The following FRMD4A variants were observed in gnomAD, a reference collection of about 807,000 sequenced individuals.
FRMD4A encodes the protein FERM domain containing 4A, also known as FERM domain-containing protein 4A.
In FRMD4A, 29 loss-of-function variants were observed where a neutral mutation model predicts 129.1. The ratio of observed to expected loss-of-function variants is 0.22; its 90% CI spans 0.17 to 0.31. FRMD4A has a LOEUF of 0.31. FRMD4A is among the 10% of genes least tolerant of loss of function. The pLI is 1.00. For missense variants in FRMD4A, 1,272 were observed against 1,375.8 expected (o/e 0.92, Z 1.19); for synonymous variants, 634 against 571.6 (o/e 1.11, Z -1.56).
At chr10:14,246,708 G>C (rs1396835201) in intron 2 of FRMD4A, among the ~76,000 whole-genome samples, 1 of 152,184 alleles carries the variant, frequency 6.6e-6, no homozygotes, top group Non-Finnish European at 1.5e-5. Context: ...CCAGGAAAAA[G>C]TGTTTAACGC....
chr10:13,685,700 C>T lies in FRMD4A; in HGVS notation c.1117+8198G>A, dbSNP rs886173333. 7.4e-6 allele frequency: 7 copies of T among 940,304 alleles called. No homozygotes were observed. In the African/African-American group the frequency reaches 1.1e-4, roughly 14 times the overall value. 58.2% of individuals were successfully genotyped at this position (940,304 alleles called of 1,614,324 possible). A position where few individuals can be genotyped will look rare whatever the true frequency, so the allele number is the denominator to read the frequency against. On this transcript the variant is annotated intron_variant, in intron 15 of 24. Transcript: ENST00000357447. ...AAATTTCATCACAGTCCTACCCAGT[C>T]AGGAGGCTGAGGCAGGAGGATCGCT...
At chr10:14,283,811 GAAT>G (rs900112749) in intron 2 of FRMD4A, among the ~76,000 whole-genome samples, 11 of 152,330 alleles carry the variant, frequency 7.2e-5, no homozygotes, top group African/African-American at 2.6e-4. Flanking sequence ...ACCTCTCTGA[GAAT>G]AATAATAATT....
chr10:13,861,975 G>T (rs1415042401), intron 2 of FRMD4A, among the ~76,000 whole-genome samples: 1 of 152,154 alleles, frequency 6.6e-6, no homozygotes, highest in Non-Finnish European at 1.5e-5. Flanking sequence ...AATTGCACAG[G>T]TACTTTAGAT....
At chr10:13,811,911 T>A (rs1588859915) in intron 3 of FRMD4A, among the ~76,000 whole-genome samples, 1 of 139,620 alleles carries the variant, frequency 7.2e-6, no homozygotes, top group South Asian at 2.3e-4. Flanking sequence ...TGAGATGGAG[T>A]CTCGCTCTGT....
chr10:13,913,342 A>G (rs2610787), intron 2 of FRMD4A, among the ~76,000 whole-genome samples: 146,323 of 152,336 alleles, frequency 0.96, 70,540 homozygotes, highest in East Asian at 1. Flanking sequence ...TTGGGGTGGT[A>G]AAGATGTTGT....
At chr10:13,757,406 A>C (rs2091909380) in intron 8 of FRMD4A, among the ~76,000 whole-genome samples, 1 of 152,204 alleles carries the variant, frequency 6.6e-6, no homozygotes, top group African/African-American at 2.4e-5. Flanking sequence ...TATCGTACAA[A>C]TTTGTCCTCC....
At position 14,056,015 on chromosome 10, in the gene FRMD4A, A is replaced by G. The variant is rs537777829; in HGVS notation, c.46-197103T>C. ...AGTGGCGCGATCTCGGCTCACTGCA[A>G]GCTCCGCCTCCTGGGTTCACGTCAT... is the stretch of plus-strand genomic sequence containing the variant. On this transcript the variant is annotated intron_variant, in intron 2 of 24. Transcript: ENST00000357447. Among the ~76,000 whole-genome samples the G allele has an allele frequency of 9.9e-5, 15 of 152,244 alleles. No homozygotes were observed. In the South Asian group the frequency reaches 2.9e-3, roughly 29 times the overall value.
At chr10:14,279,540 G>A (rs1264937017) in intron 2 of FRMD4A, among the ~76,000 whole-genome samples, 1 of 151,998 alleles carries the variant, frequency 6.6e-6, no homozygotes, top group Non-Finnish European at 1.5e-5. Context: ...CTTAGGCAGA[G>A]TCTATATTTA....
At chr10:14,084,666 G>C (rs1836152388) in intron 2 of FRMD4A, among the ~76,000 whole-genome samples, 1 of 152,220 alleles carries the variant, frequency 6.6e-6, no homozygotes. Flanking sequence ...TCCTTTATCA[G>C]GGTCCTGCCA....
At chr10:13,763,387 A>G (rs1208798304) in intron 6 of FRMD4A, among the ~76,000 whole-genome samples, 2 of 152,234 alleles carry the variant, frequency 1.3e-5, no homozygotes, top group Non-Finnish European at 2.9e-5. Flanking sequence ...GTAACTCCTT[A>G]AAATTAAATA....
chr10:14,227,776 C>G (rs1435991542), intron 2 of FRMD4A, among the ~76,000 whole-genome samples: 1 of 152,192 alleles, frequency 6.6e-6, no homozygotes, highest in Non-Finnish European at 1.5e-5. Context: ...GACCCCAGAA[C>G]AGGTTCCTGG....
chr10:14,019,691 A>G (rs909980208), intron 2 of FRMD4A, among the ~76,000 whole-genome samples: 5 of 152,218 alleles, frequency 3.3e-5, no homozygotes, highest in African/African-American at 7.2e-5. Flanking sequence ...GGATCAATAT[A>G]AACAGGGGAT....
chr10:14,223,357 C>T (rs1459016359), intron 2 of FRMD4A, among the ~76,000 whole-genome samples: 1 of 152,146 alleles, frequency 6.6e-6, no homozygotes, highest in African/African-American at 2.4e-5. Flanking sequence ...CAAATCCAGG[C>T]TTATCTCTTG....
intron 2 of FRMD4A, among the ~76,000 whole-genome samples, chr10:14,201,616 G>C (rs1842638908): frequency 6.6e-6 from 1 of 152,158 alleles, no homozygotes. Flanking sequence ...TCTGAGAGGA[G>C]AGAACCCCCT....
chr10:13,802,767 C>T (rs549566743), intron 4 of FRMD4A, among the ~76,000 whole-genome samples: 10 of 152,196 alleles, frequency 6.6e-5, no homozygotes, highest in Admixed American at 3.3e-4. Context: ...AGTCACCACA[C>T]GTGGCCAAGT....
At chr10:13,954,882 T>C (rs555336282) in intron 2 of FRMD4A, among the ~76,000 whole-genome samples, 60 of 152,316 alleles carry the variant, frequency 3.9e-4, no homozygotes, top group African/African-American at 1.3e-3. Context: ...TAACTTGCGA[T>C]GCATTAGATT....
In FRMD4A at chr10:14,089,643, AC is replaced by A. The variant is rs1449411743; in HGVS notation, c.46-230732del. ...CAAAAAAAAAAACAAAAAAAAACAA[AC>A]AAAAAAAAAACAGAAGAAAGAAATA... On this transcript the variant is annotated intron_variant, in intron 2 of 24. Coordinates refer to ENST00000357447, the MANE Select transcript of FRMD4A (RefSeq NM_018027.5). 2.9e-3 allele frequency among the ~76,000 whole-genome samples: 420 copies of A among 144,052 alleles called. 7 individuals carry two copies. The highest frequency in any genetic ancestry group is 9.4e-3 in the African/African-American group (351 of 37,226). The allele number at this position is 144,052 out of a possible 152,430, so 94.5% of individuals were successfully genotyped here.
chr10:13,859,493 T>G (rs755295143), intron 2 of FRMD4A, among the ~76,000 whole-genome samples: 4 of 152,184 alleles, frequency 2.6e-5, no homozygotes, highest in Non-Finnish European at 5.9e-5. Flanking sequence ...GGAGCTTATA[T>G]TCTAATAAGG....
intron 2 of FRMD4A, among the ~76,000 whole-genome samples, chr10:14,114,097 C>T (rs1838073771): frequency 6.6e-6 from 1 of 152,246 alleles, no homozygotes; most frequent in Non-Finnish European, 1.5e-5. Context: ...ATTTTGTCTT[C>T]TCCCTGTGGC....
Sources: gnomAD v4.1 joint callset for allele counts (sites outside exome capture counted in the v4.1 genomes callset) on GRCh38, gnomAD v4.1.1 for gene constraint, MANE v1.5 for transcripts, NCBI Gene and HGNC (gene_info 2026-07-23, HGNC 2026-07-21) for gene names.